Variants in FRMPD3 observed in about 807,000 individuals in gnomAD.
The protein encoded by FRMPD3 is FERM and PDZ domain containing 3, also known as FERM and PDZ domain-containing protein 3.
In FRMPD3, 42 loss-of-function variants were observed where a neutral mutation model predicts 97.9. The observed-to-expected ratio is 0.43, with a 90% CI of 0.34 to 0.55. FRMPD3 has a LOEUF of 0.55. Among genes scored for constraint, FRMPD3 ranks in the 20% least tolerant of loss-of-function variants. FRMPD3 has a pLI of 0.03. For missense variants in FRMPD3, 1,303 were observed against 1,457.7 expected (o/e 0.89, Z 1.73); for synonymous variants, 577 against 581.1 (o/e 0.99, Z 0.10).
chrX:107,550,224 G>A, intron 6 of FRMPD3, 68 bp downstream of exon 6: 1 of 723,872 alleles, frequency 1.4e-6, no homozygotes, highest in Non-Finnish European at 2.1e-6. Flanking sequence ...TGTGTCCTGT[G>A]TTCCTCTGAG....
intron 5 of FRMPD3, among the ~76,000 whole-genome samples, chrX:107,546,591 G>A (rs1337517855): frequency 3.6e-5 from 4 of 112,237 alleles, no homozygotes; most frequent in South Asian, 7.4e-4. Flanking sequence ...GTGAACTGTC[G>A]GCTCCAGATG....
At chrX:107,504,337 T>C (rs754137513) in intron 1 of FRMPD3, among the ~76,000 whole-genome samples, 173 of 112,677 alleles carry the variant, frequency 1.5e-3, no homozygotes, top group African/African-American at 5.1e-3. Flanking sequence ...CCAGGTTCCT[T>C]TTCTGCTCTG....
intron 8 of FRMPD3, among the ~76,000 whole-genome samples, chrX:107,556,672 T>C (rs900553942): frequency 8.9e-6 from 1 of 112,179 alleles, no homozygotes; most frequent in Non-Finnish European, 1.9e-5. Context: ...TCACTATAGA[T>C]TAGTTTGCAC....
intron 8 of FRMPD3, among the ~76,000 whole-genome samples, chrX:107,557,795 G>GTATATATA (rs1467541771): frequency 3.8e-5 from 1 of 26,610 alleles, no homozygotes; most frequent in South Asian, 2.9e-3. Flanking sequence ...AAAATCTGTT[G>GTATATATA]TCTATATATA....
intron 1 of FRMPD3, among the ~76,000 whole-genome samples, chrX:107,512,571 C>G (rs750902540): frequency 1.3e-4 from 15 of 111,319 alleles, no homozygotes; most frequent in Non-Finnish European, 2.5e-4. Flanking sequence ...GTCCCCTTTC[C>G]TGCTCAGCTG....
intron 1 of FRMPD3, among the ~76,000 whole-genome samples, chrX:107,457,880 CT>C (rs1176084946): frequency 1.8e-5 from 2 of 111,846 alleles, no homozygotes; most frequent in East Asian, 2.8e-4. Context: ...CTGCTCCCCC[CT>C]CCCTGCTCTT....
At chrX:107,537,257 A>C (rs944444083) in intron 4 of FRMPD3, among the ~76,000 whole-genome samples, 3 of 111,747 alleles carry the variant, frequency 2.7e-5, no homozygotes, top group Non-Finnish European at 5.6e-5. Flanking sequence ...ATGTTCTCCA[A>C]ACAGCTTTGC....
chrX:107,542,860 G>A (rs1016414404), intron 4 of FRMPD3, among the ~76,000 whole-genome samples: 2 of 111,989 alleles, frequency 1.8e-5, no homozygotes, highest in African/African-American at 6.5e-5. Flanking sequence ...GCCCATAGGG[G>A]TGGTGGTTTG....
chrX:107,473,859 G>A (rs1921128382), intron 1 of FRMPD3, among the ~76,000 whole-genome samples: 2 of 112,169 alleles, frequency 1.8e-5, no homozygotes, highest in South Asian at 7.4e-4. Context: ...CGAGGCGGGT[G>A]GATCACCTGA....
intron 13 of FRMPD3, among the ~76,000 whole-genome samples, chrX:107,586,478 C>T (rs1464133273): frequency 9.4e-6 from 1 of 106,437 alleles, no homozygotes; most frequent in Non-Finnish European, 1.9e-5. Context: ...TATTTCTTGT[C>T]TTCTGCTAGC....
chrX:107,558,557 G>A (rs1922206337), intron 8 of FRMPD3, among the ~76,000 whole-genome samples: 1 of 110,722 alleles, frequency 9.0e-6, no homozygotes, highest in Non-Finnish European at 1.9e-5. Context: ...ACTACATTTG[G>A]CCCTTCATAT....
At position 107,601,938 on chromosome X, in the gene FRMPD3, A is replaced by G; in HGVS notation, c.3899A>G (p.Asp1300Gly). 8.5e-7 allele frequency: 1 copy of G among 1,177,872 alleles called. No homozygotes were observed. Among genetic ancestry groups the G allele is most frequent in the Non-Finnish European group, 1.1e-6 (1 of 880,292 alleles). The stretch of plus-strand genomic sequence containing the variant: ...TCCCGTGAGCAGAGGCGCAGCTGTG[A>G]CTGCAAGCGCATCTGCCGGGGGGGC... ...GMSREQRRSC[D>G]CKRICRGGRP... Residue 1300 changes from aspartate (D) to glycine (G), a missense_variant, in exon 15 of 15, where the codon GAC becomes GGC. Physicochemically the swap from Asp to Gly is moderately conservative, Grantham distance 94 (BLOSUM62 -1). This residue lies in a region of FRMPD3 where 764 missense variants were observed against 820.2 expected (regional missense o/e 0.93). Coordinates refer to ENST00000683843, the MANE Select transcript of FRMPD3 (RefSeq NM_001388459.1).
chrX:107,541,544 C>A lies in FRMPD3; in HGVS notation c.298-4193C>A, dbSNP rs896944485. Among the ~76,000 whole-genome samples the A allele has an allele frequency of 3.6e-5, 4 of 112,525 alleles. No homozygotes were observed. In the Admixed American group the frequency reaches 3.8e-4, roughly 11 times the overall value. On this transcript the variant is annotated intron_variant, in intron 4 of 14. Transcript: ENST00000683843. ...TGATTATAATCCCTGAAAATATTGG[C>A]AATTTCATTTCCTCCTTTGTGGTTT... is the stretch of plus-strand genomic sequence containing the variant.
rs368212674 is a variant in FRMPD3 at position 107,560,407 on chromosome X, C to T, written c.899+14C>T. On this transcript the variant is annotated intron_variant, in intron 9 of 14. Coordinates refer to ENST00000683843, the MANE Select transcript of FRMPD3 (RefSeq NM_001388459.1). The stretch of plus-strand genomic sequence containing the variant: ...CAAGAATGTGGAGTGAGTTGTGCTG[C>T]GGCCCGTTGGGATGGGGGGCGAATA... 1.6e-4 allele frequency: 197 copies of T among 1,204,898 alleles called. No individual in the cohort carries two copies. In the Admixed American group the frequency reaches 3.4e-3, roughly 21 times the overall value.
At chrX:107,590,743 A>G (rs1479553176) in intron 13 of FRMPD3, among the ~76,000 whole-genome samples, 1 of 112,717 alleles carries the variant, frequency 8.9e-6, no homozygotes, top group East Asian at 2.8e-4. Flanking sequence ...TAGTATTTAT[A>G]CACTGCTGGG....
chrX:107,592,871 C>T (rs1432379538), intron 13 of FRMPD3, among the ~76,000 whole-genome samples: 1 of 104,108 alleles, frequency 9.6e-6, no homozygotes, highest in Non-Finnish European at 1.9e-5. Flanking sequence ...CTCCACCTTC[C>T]GTGTTCAAGC....
chrX:107,515,250 A>G (rs1011991695), intron 1 of FRMPD3, among the ~76,000 whole-genome samples: 2 of 111,573 alleles, frequency 1.8e-5, no homozygotes, highest in African/African-American at 6.5e-5. Flanking sequence ...AGGAACCCCA[A>G]TATCTAGTGA....
intron 1 of FRMPD3, among the ~76,000 whole-genome samples, chrX:107,452,311 A>G (rs1931304105): frequency 1.8e-5 from 2 of 111,925 alleles, no homozygotes. Context: ...GAAGGTTTCA[A>G]TTGACTTGAG....
intron 12 of FRMPD3, among the ~76,000 whole-genome samples, chrX:107,575,195 C>T (rs1255624706): frequency 8.9e-6 from 1 of 112,069 alleles, no homozygotes; most frequent in Admixed American, 9.5e-5. Flanking sequence ...AACCTTGTTA[C>T]CATGAGATTT....
Sources: allele counts gnomAD v4.1 joint callset (sites outside exome capture counted in the v4.1 genomes callset), GRCh38; gene constraint gnomAD v4.1.1; regional missense constraint gnomAD v4.1.1; transcripts MANE v1.5; gene names NCBI Gene and HGNC (gene_info 2026-07-23, HGNC 2026-07-21).